CCDC85A: variants seen among roughly 807,000 people sequenced by gnomAD.
The protein encoded by CCDC85A is coiled-coil domain containing 85A.
Under a neutral mutation model 50.2 loss-of-function variants are expected in CCDC85A, and 38 were observed. The observed-to-expected ratio is 0.76, with a 90% CI of 0.58 to 0.99. The LOEUF (loss-of-function observed/expected upper bound fraction) is 0.99, where lower values mean the gene tolerates loss of function less well. Among genes scored for constraint, CCDC85A ranks in the 50% least tolerant of loss-of-function variants. CCDC85A has a pLI of 0.00. For missense variants in CCDC85A, 820 were observed against 742.0 expected (o/e 1.11, Z -1.22); for synonymous variants, 366 against 301.4 (o/e 1.21, Z -2.22).
At chr2:56,367,624 A>G (rs1267189328) in intron 3 of CCDC85A, among the ~76,000 whole-genome samples, 1 of 152,194 alleles carries the variant, frequency 6.6e-6, no homozygotes, top group Non-Finnish European at 1.5e-5. Flanking sequence ...ACTAAATGCC[A>G]GTAGAAACTG....
intron 2 of CCDC85A, among the ~76,000 whole-genome samples, chr2:56,224,486 A>G (rs1490076155): frequency 2.0e-5 from 3 of 152,204 alleles, no homozygotes; most frequent in African/African-American, 7.2e-5. Flanking sequence ...GAATGTCAAC[A>G]TGTGGCAGCC....
In CCDC85A at chr2:56,206,655, T is replaced by C. The variant is rs943021611; in HGVS notation, c.1240+13215T>C. On this transcript the variant is annotated intron_variant, in intron 2 of 5. Transcript: ENST00000407595. ...TCATGAAGGCAGAACCCTCATGACCTAATCATCTCTTATTAGGCCTCATCT... is the reference window on the plus strand; with the variant it reads ...TCATGAAGGCAGAACCCTCATGACCCAATCATCTCTTATTAGGCCTCATCT... Among the ~76,000 whole-genome samples, 10 of 152,188 alleles carry C rather than the reference T, an allele frequency of 6.6e-5. No homozygotes were observed. In the East Asian group the frequency reaches 1.9e-3, roughly 29 times the overall value.
rs1223900337 is a variant in CCDC85A, at chr2:56,192,785, A to G, written c.585A>G (p.Gln195=). The change falls in exon 2 of 6, where the codon CAA becomes CAG. Residue 195 remains glutamine, a synonymous_variant. Coordinates refer to ENST00000407595, the MANE Select transcript of CCDC85A (RefSeq NM_001080433.2). This position sits in a 1 kb window ranked among gnomAD's most constrained non-coding sequence, Gnocchi z 4.7. ...TCGACAGCCAGGCCAGCCTGTGCCA[A>G]CTCACAGCCTCCACCGCACCCTACG... The part of the protein sequence containing the change: ...CSIDSQASLC[Q]LTASTAPYVR... 6.2e-7 allele frequency: 1 copy of G among 1,613,076 alleles called. No individual in the cohort carries two copies. Among genetic ancestry groups the G allele is most frequent in the East Asian group, 2.2e-5 (1 of 44,838 alleles).
intron 2 of CCDC85A, among the ~76,000 whole-genome samples, chr2:56,225,950 G>A (rs1256142509): frequency 6.6e-6 from 1 of 152,178 alleles, no homozygotes; most frequent in Non-Finnish European, 1.5e-5. Context: ...ACAACGAGAA[G>A]AATTGATATA....
chr2:56,210,462 A>G (rs1677136953), intron 2 of CCDC85A, among the ~76,000 whole-genome samples: 1 of 152,026 alleles, frequency 6.6e-6, no homozygotes, highest in Non-Finnish European at 1.5e-5. Flanking sequence ...GTGTTGTGAA[A>G]CATCAGCCTT....
At chr2:56,342,369 T>C (rs954810754) in intron 2 of CCDC85A, among the ~76,000 whole-genome samples, 2 of 152,174 alleles carry the variant, frequency 1.3e-5, no homozygotes, top group African/African-American at 4.8e-5. Flanking sequence ...TCTCAATTCT[T>C]AGTGATTAAA....
At chr2:56,343,175 A>G (rs1674461105) in intron 3 of CCDC85A, among the ~76,000 whole-genome samples, 1 of 152,352 alleles carries the variant, frequency 6.6e-6, no homozygotes, top group Non-Finnish European at 1.5e-5. Flanking sequence ...TGAAATGAGA[A>G]TGTGAAATAA....
At chr2:56,253,022 A>C (rs1558607273) in intron 2 of CCDC85A, among the ~76,000 whole-genome samples, 1 of 151,318 alleles carries the variant, frequency 6.6e-6, no homozygotes, top group Non-Finnish European at 1.5e-5. Context: ...CCATCTCAAA[A>C]TAAATAAATA....
chr2:56,205,929 G>A (rs984823879), intron 2 of CCDC85A, among the ~76,000 whole-genome samples: 6 of 152,096 alleles, frequency 3.9e-5, no homozygotes, highest in Non-Finnish European at 7.4e-5. Context: ...ATTGGCTGCC[G>A]TTGTCAGGGA....
intron 2 of CCDC85A, among the ~76,000 whole-genome samples, chr2:56,209,995 C>T (rs1177413912): frequency 6.6e-6 from 1 of 152,022 alleles, no homozygotes; most frequent in African/African-American, 2.4e-5. Flanking sequence ...AGAACTAGAG[C>T]ACATCCTGGA....
chr2:56,233,561 TTATG>T (rs1363080536), intron 2 of CCDC85A, among the ~76,000 whole-genome samples: 3 of 152,150 alleles, frequency 2.0e-5, no homozygotes, highest in African/African-American at 4.8e-5. Context: ...CCAATAAAAT[TTATG>T]TATACTGAAA....
At chr2:56,305,360 G>C (rs1005974040) in intron 2 of CCDC85A, among the ~76,000 whole-genome samples, 3 of 152,176 alleles carry the variant, frequency 2.0e-5, no homozygotes, top group Non-Finnish European at 4.4e-5. Flanking sequence ...TTACTGATGA[G>C]TACAATGAAG....
In CCDC85A at chr2:56,252,088, C is replaced by T. The variant is rs555806672; in HGVS notation, c.1240+58648C>T. On this transcript the variant is annotated intron_variant, in intron 2 of 5. Coordinates refer to ENST00000407595, the MANE Select transcript of CCDC85A (RefSeq NM_001080433.2). ...TTTTGAAATGGACTCACACTGTCCCCGGGGTTGGAGTGCAATGGCTCAATC... is the reference window on the plus strand; with the variant it reads ...TTTTGAAATGGACTCACACTGTCCCTGGGGTTGGAGTGCAATGGCTCAATC... Among the ~76,000 whole-genome samples the T allele has an allele frequency of 8.9e-4, 134 of 151,406 alleles. 1 individual carries two copies. The highest frequency in any genetic ancestry group is 3.1e-3 in the African/African-American group (126 of 41,254).
chr2:56,237,577 C>T (rs1284405847), intron 2 of CCDC85A, among the ~76,000 whole-genome samples: 1 of 152,140 alleles, frequency 6.6e-6, no homozygotes, highest in Non-Finnish European at 1.5e-5. Flanking sequence ...AAAAGAAGTA[C>T]TTTATCGTCC....
At chr2:56,290,914 T>C (rs1371507083) in intron 2 of CCDC85A, among the ~76,000 whole-genome samples, 1 of 152,228 alleles carries the variant, frequency 6.6e-6, no homozygotes, top group Admixed American at 6.5e-5. Flanking sequence ...GTAATTCTTT[T>C]GGTGTCTTTA....
intron 2 of CCDC85A, among the ~76,000 whole-genome samples, chr2:56,306,769 A>T (rs1302197059): frequency 6.6e-6 from 1 of 152,162 alleles, no homozygotes; most frequent in Non-Finnish European, 1.5e-5. Context: ...ACTATGTGCC[A>T]GACCTAAGCT....
rs1221226322 is a variant in CCDC85A, at chr2:56,384,249, TTC to T, written c.1573-15_1573-14del. On this transcript the variant is annotated splice_polypyrimidine_tract_variant and intron_variant, in intron 5 of 5. Transcript: ENST00000407595. ...AGAGGAAAAGTAAGATACTCACTCC[TTC>T]TTTTTTTTTTTAAGGTTGTGTGGAG... 3 of 1,606,024 alleles carry T rather than the reference TTC, an allele frequency of 1.9e-6. No individual in the cohort carries two copies. The highest frequency in any genetic ancestry group is 2.6e-6 in the Non-Finnish European group (3 of 1,174,150).
chr2:56,224,262 T>G, intron 2 of CCDC85A, among the ~76,000 whole-genome samples: 1 of 152,212 alleles, frequency 6.6e-6, no homozygotes, highest in East Asian at 1.9e-4. Context: ...TATGTTGTTT[T>G]CAAGGTTTAT....
intron 2 of CCDC85A, among the ~76,000 whole-genome samples, chr2:56,277,053 C>T (rs1414613138): frequency 6.6e-6 from 1 of 152,184 alleles, no homozygotes; most frequent in Admixed American, 6.5e-5. Context: ...CTGGGACTCT[C>T]TGAGGCCGCA....
Sources: allele counts gnomAD v4.1 joint callset (sites outside exome capture counted in the v4.1 genomes callset), GRCh38; gene constraint gnomAD v4.1.1; non-coding constraint Gnocchi (gnomAD v3.1); transcripts MANE v1.5; gene names NCBI Gene and HGNC (gene_info 2026-07-23, HGNC 2026-07-21).